Variants in SCLY observed in about 807,000 individuals in gnomAD.
The protein encoded by SCLY is selenocysteine lyase.
SCLY carries 38 observed loss-of-function variants against 50.1 expected under a neutral mutation model. The ratio of observed to expected loss-of-function variants is 0.76; its 90% CI spans 0.59 to 0.99. The LOEUF (loss-of-function observed/expected upper bound fraction) is 0.99, where lower values mean the gene tolerates loss of function less well. SCLY is among the 50% of genes least tolerant of loss of function. SCLY has a pLI of 0.00. For synonymous variants in SCLY, 243 were observed against 249.4 expected, an observed-to-expected ratio of 0.97 and a Z score of 0.24; for missense variants, 600 against 620.0, an observed-to-expected ratio of 0.97 and a Z score of 0.34.
In SCLY at chr2:238,091,235, T is replaced by C. The variant is rs2065358513; in HGVS notation, c.902T>C (p.Met301Thr). ...TCTTACAGGACAGAGAACACCCCAA[T>C]GATTGCTGGCCTTGGGAAGGTGAGC... is the stretch of plus-strand genomic sequence containing the variant. The part of the protein sequence containing the change: ...NFRPGTENTP[M>T]IAGLGKAAEL... Residue 301 changes from methionine (M) to threonine (T), a missense_variant, in exon 8 of 12, where the codon ATG becomes ACG. Transcript: ENST00000254663. The C allele has an allele frequency of 6.2e-7, 1 of 1,613,740 alleles. No individual in the cohort carries two copies. Among genetic ancestry groups the C allele is most frequent in the Non-Finnish European group, 8.5e-7 (1 of 1,179,636 alleles).
At chr2:238,095,538 G>C (rs2065422011) in intron 10 of SCLY, 1 of 152,172 alleles carries the variant, frequency 6.6e-6, no homozygotes, top group Non-Finnish European at 1.5e-5. Context: ...AGAACCCGTG[G>C]GTAACCGTCA....
At chr2:238,064,038 A>G (rs821481) in intron 1 of SCLY, among the ~76,000 whole-genome samples, 144,066 of 152,328 alleles carry the variant, frequency 0.95, 68,216 homozygotes, top group East Asian at 1. Flanking sequence ...TCAGCCTCCC[A>G]CATGGCTGGA....
chr2:238,072,180 C>T (rs1184877528), intron 4 of SCLY, among the ~76,000 whole-genome samples: 1 of 152,012 alleles, frequency 6.6e-6, no homozygotes, highest in African/African-American at 2.4e-5. Flanking sequence ...TTCCATTTAA[C>T]ATAATGTTTT....
Position 238,066,144 on chromosome 2 carries a change from T to A in SCLY, c.202+1675T>A, listed in dbSNP as rs1248896689. On this transcript the variant is annotated intron_variant, in intron 2 of 11. Coordinates refer to ENST00000254663, the MANE Select transcript of SCLY (RefSeq NM_016510.7). The surrounding 1 kb of genome is among the most constrained non-coding windows in gnomAD (Gnocchi z 4.1). ...AATTTTTATGAAAAATAAACTATCT[T>A]CGGCAAAACAAGAAACCTAGTGAGC... Among the ~76,000 whole-genome samples the A allele has an allele frequency of 9.8e-5, 15 of 152,308 alleles. No homozygotes were observed. The East Asian group carries it at 2.7e-3, about 27-fold the overall frequency.
intron 4 of SCLY, among the ~76,000 whole-genome samples, chr2:238,077,944 G>A (rs1219182069): frequency 1.4e-5 from 2 of 144,814 alleles, no homozygotes; most frequent in Non-Finnish European, 3.0e-5. Flanking sequence ...TGGGTCTCCT[G>A]TAGATTCTCT....
chr2:238,065,660 T>TTTTTTTATTATTA (rs71402758), intron 2 of SCLY, among the ~76,000 whole-genome samples: 3 of 143,514 alleles, frequency 2.1e-5, no homozygotes, highest in Admixed American at 1.4e-4. Flanking sequence ...AATATTTTAT[T>TTTTTTTATTATTA]TTATTATTAT....
chr2:238,071,114 G>A (rs2065122943), intron 4 of SCLY, among the ~76,000 whole-genome samples: 1 of 152,074 alleles, frequency 6.6e-6, no homozygotes, highest in East Asian at 1.9e-4. Context: ...TTACAGGTGT[G>A]AGCCACCTGA....
At chr2:238,077,111 A>G (rs1444387051) in intron 4 of SCLY, among the ~76,000 whole-genome samples, 1 of 151,514 alleles carries the variant, frequency 6.6e-6, no homozygotes, top group Non-Finnish European at 1.5e-5. Flanking sequence ...AGTTGATCAC[A>G]CTATTAATCA....
At chr2:238,076,396 T>C (rs911613028) in intron 4 of SCLY, among the ~76,000 whole-genome samples, 4 of 152,200 alleles carry the variant, frequency 2.6e-5, no homozygotes, top group Non-Finnish European at 5.9e-5. Context: ...CCAGACGTTT[T>C]TTCTTTTTTA....
chr2:238,067,917 A>G lies in SCLY; in HGVS notation c.203-148A>G. 1 of 566,066 alleles carries G rather than the reference A, an allele frequency of 1.8e-6. No individual in the cohort carries two copies. The allele number at this position is 566,066 out of a possible 1,614,324, so 35.1% of individuals were successfully genotyped here. A position where few individuals can be genotyped will look rare whatever the true frequency, so the allele number is the denominator to read the frequency against. On this transcript the variant is annotated intron_variant, in intron 2 of 11. Transcript: ENST00000254663. This position sits in a 1 kb window ranked among gnomAD's most constrained non-coding sequence, Gnocchi z 4.3. ...TGCCGGGTTGTGTCTAGGTTGTAGC[A>G]TTTTGCTGTGCTCACATTAAGGGGC...
chr2:238,099,213 C>T lies in SCLY; in HGVS notation c.*858C>T, dbSNP rs1559255425. 3 of 470,988 alleles carry T rather than the reference C, an allele frequency of 6.4e-6. No individual in the cohort carries two copies. The highest frequency in any genetic ancestry group is 1.3e-5 in the Non-Finnish European group (3 of 226,976). 29.2% of individuals were successfully genotyped at this position (470,988 alleles called of 1,614,324 possible). On this transcript the variant is annotated 3_prime_UTR_variant, in exon 12 of 12. Coordinates refer to ENST00000254663, the MANE Select transcript of SCLY (RefSeq NM_016510.7). ...GGATCATCCCTGACTCAGCTTTTAC[C>T]TTAATTTTATTTGCAGAGGATTCTT...
At position 238,069,642 on chromosome 2, in the gene SCLY, G is replaced by T; in HGVS notation, c.484+165G>T. 1.6e-6 allele frequency: 1 copy of T among 618,018 alleles called. No homozygotes were observed. Among genetic ancestry groups the T allele is most frequent in the South Asian group, 2.9e-5 (1 of 34,354 alleles). The allele number at this position is 618,018 out of a possible 1,614,324, so 38.3% of individuals were successfully genotyped here. ...TGAGGAGGCAGGCCCTGGCACCTTG[G>T]TGAATAGTTGCCCCTCACTGCACTG... is the stretch of plus-strand genomic sequence containing the variant. On this transcript the variant is annotated intron_variant, in intron 4 of 11. Transcript: ENST00000254663. The surrounding 1 kb of genome is among the most constrained non-coding windows in gnomAD (Gnocchi z 5.0).
At chr2:238,094,657 G>A (rs2065406793) in intron 10 of SCLY, 135 bp downstream of exon 10, 13 of 743,968 alleles carry the variant, frequency 1.7e-5, no homozygotes, top group Non-Finnish European at 2.9e-5. Context: ...GGCCTTGCTG[G>A]GGTTGCCAAG....
chr2:238,061,001 G>A lies in SCLY; in HGVS notation c.-54G>A, dbSNP rs1327787187. 27 of 1,293,438 alleles carry A rather than the reference G, an allele frequency of 2.1e-5. No homozygotes were observed. The highest frequency in any genetic ancestry group is 4.7e-5 in the African/African-American group (3 of 63,624). 80.1% of individuals were successfully genotyped at this position (1,293,438 alleles called of 1,614,324 possible). A position where few individuals can be genotyped will look rare whatever the true frequency, so the allele number is the denominator to read the frequency against. On this transcript the variant is annotated 5_prime_UTR_variant, in exon 1 of 12. Coordinates refer to ENST00000254663, the MANE Select transcript of SCLY (RefSeq NM_016510.7). ...CCCCGCCTCCTCCCCGGCGCTCTGG[G>A]CCCGTAGCGCTCCGCGGGAAGGAGG...
rs546243965 is a variant in SCLY at position 238,083,845 on chromosome 2, G to T, written c.884+491G>T. The stretch of plus-strand genomic sequence containing the variant: ...CAAGAGAGAGAAACAGGAACAGCAT[G>T]GTGGTGAGTTCCTGGGTTTTCTTTT... On this transcript the variant is annotated intron_variant, in intron 7 of 11. Transcript: ENST00000254663. This position sits in a 1 kb window ranked among gnomAD's most constrained non-coding sequence, Gnocchi z 4.3. Among the ~76,000 whole-genome samples the T allele has an allele frequency of 2.3e-4, 35 of 152,340 alleles. No homozygotes were observed. Among genetic ancestry groups the T allele is most frequent in the African/African-American group, 8.4e-4 (35 of 41,596 alleles).
At chr2:238,096,724 C>A in intron 10 of SCLY, 77 bp from the exon 11 acceptor site, 1 of 1,490,770 alleles carries the variant, frequency 6.7e-7, no homozygotes. Flanking sequence ...AGCCTGCGCC[C>A]AGCAGGACCC....
At chr2:238,081,434 C>T (rs2065235365) in intron 4 of SCLY, 1 of 376,308 alleles carries the variant, frequency 2.7e-6, no homozygotes. Flanking sequence ...CCTGTTGCCT[C>T]TTCCTCTTCC....
intron 4 of SCLY, chr2:238,081,172 C>T (rs889646516): frequency 6.6e-6 from 1 of 152,402 alleles, no homozygotes; most frequent in Non-Finnish European, 1.5e-5. Context: ...TAGCTGTTTT[C>T]TCTTTCATTT....
In SCLY at chr2:238,069,746, G is replaced by A; in HGVS notation, c.484+269G>A. On this transcript the variant is annotated intron_variant, in intron 4 of 11. Coordinates refer to ENST00000254663, the MANE Select transcript of SCLY (RefSeq NM_016510.7). The surrounding 1 kb of genome is among the most constrained non-coding windows in gnomAD (Gnocchi z 5.0). ...CAAGTGTGGCCAAACTTTCCCTTAG[G>A]AAGTTCATTGAGAATGAATATGTAG... 2.6e-6 allele frequency: 1 copy of A among 380,988 alleles called. No homozygotes were observed. The highest frequency in any genetic ancestry group is 4.7e-6 in the Non-Finnish European group (1 of 213,924). The allele number at this position is 380,988 out of a possible 1,614,324, so 23.6% of individuals were successfully genotyped here.
Sources: allele counts gnomAD v4.1 joint callset (sites outside exome capture counted in the v4.1 genomes callset), GRCh38; gene constraint gnomAD v4.1.1; non-coding constraint Gnocchi (gnomAD v3.1); transcripts MANE v1.5; gene names NCBI Gene and HGNC (gene_info 2026-07-23, HGNC 2026-07-21).